The following ANO10 variants were observed in gnomAD, a reference collection of about 807,000 sequenced individuals.
ANO10 encodes anoctamin-10.
In ANO10, 77 loss-of-function variants were observed where a neutral mutation model predicts 74.7. That is an observed-to-expected ratio of 1.03 (90% CI 0.86 to 1.25). ANO10 has a LOEUF of 1.25. Among genes scored for constraint, ANO10 ranks in the 50% most tolerant of loss-of-function variants. The pLI, the probability that ANO10 is intolerant of heterozygous loss-of-function variation, is 0.00. For synonymous variants in ANO10, 279 were observed against 284.9 expected (o/e 0.98, Z 0.21); for missense variants, 721 against 778.1 (o/e 0.93, Z 0.87).
intron 8 of ANO10, among the ~76,000 whole-genome samples, chr3:43,564,881 T>G (rs560032223): frequency 5.6e-4 from 85 of 152,322 alleles, no homozygotes; most frequent in African/African-American, 1.9e-3. Flanking sequence ...TATCTTCTGC[T>G]AAGTAAAGGA....
intron 2 of ANO10, among the ~76,000 whole-genome samples, chr3:43,605,010 T>C (rs2082496940): frequency 6.6e-6 from 1 of 152,214 alleles, no homozygotes; most frequent in African/African-American, 2.4e-5. Flanking sequence ...GTTCAGAGAC[T>C]GTGCAGACTA....
intron 12 of ANO10, among the ~76,000 whole-genome samples, chr3:43,413,035 A>G (rs1322249120): frequency 4.6e-5 from 7 of 152,156 alleles, no homozygotes; most frequent in African/African-American, 1.7e-4. Flanking sequence ...CTGGGCAACA[A>G]AGCAAGATTC....
At chr3:43,414,572 T>C (rs1263905662) in intron 12 of ANO10, among the ~76,000 whole-genome samples, 2 of 152,150 alleles carry the variant, frequency 1.3e-5, no homozygotes, top group Non-Finnish European at 2.9e-5. Context: ...AAATCCAAAT[T>C]AGTTTTGGCT....
intron 1 of ANO10, among the ~76,000 whole-genome samples, chr3:43,658,272 T>TA (rs1200678622): frequency 6.6e-6 from 1 of 151,838 alleles, no homozygotes; most frequent in Non-Finnish European, 1.5e-5. Context: ...TAATCTAATA[T>TA]AAAAAAAATT....
chr3:43,688,102 T>C (rs1484791938), intron 1 of ANO10, among the ~76,000 whole-genome samples: 1 of 152,230 alleles, frequency 6.6e-6, no homozygotes, highest in Non-Finnish European at 1.5e-5. Context: ...TCCTATGCAC[T>C]GCTTGTCAGT....
At chr3:43,630,535 G>A (rs894543857) in intron 1 of ANO10, among the ~76,000 whole-genome samples, 1 of 152,088 alleles carries the variant, frequency 6.6e-6, no homozygotes, top group Non-Finnish European at 1.5e-5. Flanking sequence ...ACTTCACAAT[G>A]ACATAACCTC....
At chr3:43,412,864 G>A (rs1007940739) in intron 12 of ANO10, among the ~76,000 whole-genome samples, 4 of 151,918 alleles carry the variant, frequency 2.6e-5, no homozygotes, top group Non-Finnish European at 4.4e-5. Context: ...CAGCCTGGCC[G>A]ACATGGTGAA....
chr3:43,542,712 T>G (rs1291303483), intron 11 of ANO10, among the ~76,000 whole-genome samples: 1 of 152,210 alleles, frequency 6.6e-6, no homozygotes, highest in Non-Finnish European at 1.5e-5. Context: ...CCAAGCTACC[T>G]CTATGCTGTG....
rs1464789406 is a variant in ANO10, at chr3:43,590,681, G to GT, written c.472+7850_472+7851insA. The stretch of plus-strand genomic sequence containing the variant: ...AGAGAAACTATTCTATATTAAAAGA[G>GT]ACAGACATAACCAAACAACATGGGT... On this transcript the variant is annotated intron_variant, in intron 4 of 12. Coordinates refer to ENST00000292246, the MANE Select transcript of ANO10 (RefSeq NM_018075.5). Among the ~76,000 whole-genome samples the GT allele has an allele frequency of 2.0e-5, 3 of 152,212 alleles. No homozygotes were observed. In the East Asian group the frequency reaches 5.8e-4, roughly 29 times the overall value.
At chr3:43,369,731 T>C (rs1217956361) in intron 12 of ANO10, among the ~76,000 whole-genome samples, 1 of 151,938 alleles carries the variant, frequency 6.6e-6, no homozygotes, top group Non-Finnish European at 1.5e-5. Flanking sequence ...GTGCCCACAA[T>C]CCCCAGCTGG....
chr3:43,656,787 G>A (rs572891697), intron 1 of ANO10, among the ~76,000 whole-genome samples: 11 of 152,354 alleles, frequency 7.2e-5, no homozygotes, highest in East Asian at 1.9e-4. Context: ...CACACAGCCC[G>A]GGTTCCTGCT....
chr3:43,564,056 T>C (rs913834357), intron 8 of ANO10, among the ~76,000 whole-genome samples: 30 of 152,140 alleles, frequency 2.0e-4, no homozygotes, highest in Non-Finnish European at 4.4e-4. Flanking sequence ...TACACATTTT[T>C]TTTTTTGAGA....
chr3:43,446,822 A>T (rs1469347530), intron 11 of ANO10, among the ~76,000 whole-genome samples: 2 of 152,190 alleles, frequency 1.3e-5, no homozygotes, highest in Non-Finnish European at 2.9e-5. Context: ...TTTATTATTA[A>T]AAAATGTATA....
At chr3:43,539,804 T>A (rs1483433811) in intron 11 of ANO10, among the ~76,000 whole-genome samples, 1 of 152,248 alleles carries the variant, frequency 6.6e-6, no homozygotes, top group Non-Finnish European at 1.5e-5. Flanking sequence ...AATTTTCTAA[T>A]GCTTACCTCC....
chr3:43,392,389 G>C (rs1327038289), intron 12 of ANO10, among the ~76,000 whole-genome samples: 1 of 152,122 alleles, frequency 6.6e-6, no homozygotes, highest in Non-Finnish European at 1.5e-5. Context: ...TTAATACAAA[G>C]AATGGCAATA....
intron 1 of ANO10, among the ~76,000 whole-genome samples, chr3:43,616,808 G>A (rs1308385843): frequency 6.6e-6 from 1 of 152,076 alleles, no homozygotes; most frequent in African/African-American, 2.4e-5. Context: ...GGTGCTCTCT[G>A]CTCAGGAAAT....
intron 1 of ANO10, among the ~76,000 whole-genome samples, chr3:43,611,200 A>G (rs560754386): frequency 2.6e-5 from 4 of 152,208 alleles, no homozygotes; most frequent in Non-Finnish European, 5.9e-5. Flanking sequence ...GAGTGCTTCT[A>G]TCTCTCCTCA....
chr3:43,657,660 T>A lies in ANO10; in HGVS notation c.-12+33857A>T, dbSNP rs574539217. Among the ~76,000 whole-genome samples the A allele has an allele frequency of 9.8e-5, 15 of 152,314 alleles. No homozygotes were observed. The South Asian group carries it at 1.2e-3, about 13-fold the overall frequency. On this transcript the variant is annotated intron_variant, in intron 1 of 3. Coordinates refer to the ANO10 transcript ENST00000413397. ...GACTGGCGGCATCTGCCCATATACT[T>A]CTTGCTATGAGATGTCTTTCTAGGC...
chr3:43,652,041 A>G (rs1341822004), intron 1 of ANO10, among the ~76,000 whole-genome samples: 1 of 151,996 alleles, frequency 6.6e-6, no homozygotes, highest in African/African-American at 2.4e-5. Context: ...GGGTCAGAGG[A>G]TTTAATATTG....
Sources: gnomAD v4.1 joint callset for allele counts (sites outside exome capture counted in the v4.1 genomes callset) on GRCh38, gnomAD v4.1.1 for gene constraint, MANE v1.5 for transcripts, NCBI Gene and HGNC (gene_info 2026-07-23, HGNC 2026-07-21) for gene names.